OPALIN: variants seen among roughly 807,000 people sequenced by gnomAD.
OPALIN encodes transmembrane protein 10.
OPALIN carries 15 observed loss-of-function variants against 17.8 expected under a neutral mutation model. That is an observed-to-expected ratio of 0.84 (90% confidence interval 0.56 to 1.29). The LOEUF is 1.29. Ranked by LOEUF, OPALIN falls within the 50% of genes most tolerant of loss-of-function variation. OPALIN has a pLI of 0.00. For missense variants in OPALIN, 170 were observed against 176.0 expected, an observed-to-expected ratio of 0.97 and a Z score of 0.19; for synonymous variants, 62 against 63.8, an observed-to-expected ratio of 0.97 and a Z score of 0.14.
At chr10:96,347,636 T>A (rs111280952) in intron 5 of OPALIN, among the ~76,000 whole-genome samples, 3,296 of 151,162 alleles carry the variant, frequency 0.022, 141 homozygotes, top group African/African-American at 0.074. Flanking sequence ...CACACCCAGC[T>A]AATTTTTTGT....
intron 5 of OPALIN, among the ~76,000 whole-genome samples, chr10:96,346,421 A>G (rs1392770466): frequency 6.6e-6 from 1 of 152,172 alleles, no homozygotes; most frequent in African/African-American, 2.4e-5. Context: ...TTTAACTGTT[A>G]ATCTATTTGT....
chr10:96,347,216 C>G (rs188146892), intron 5 of OPALIN, among the ~76,000 whole-genome samples: 1 of 151,934 alleles, frequency 6.6e-6, no homozygotes, highest in East Asian at 1.9e-4. Context: ...TTCAGCCCCC[C>G]ACGAAGTAGC....
intron 4 of OPALIN, among the ~76,000 whole-genome samples, chr10:96,349,411 G>A (rs953733294): frequency 6.6e-6 from 1 of 152,180 alleles, no homozygotes; most frequent in African/African-American, 2.4e-5. Context: ...CACACCCACT[G>A]TACAGACATG....
intron 1 of OPALIN, chr10:96,356,826 C>T: frequency 3.2e-6 from 3 of 951,626 alleles, no homozygotes; most frequent in Non-Finnish European, 1.3e-6. Flanking sequence ...CAATAGGACA[C>T]CCGCATTTTA....
chr10:96,351,418 G>T lies in OPALIN; in HGVS notation c.40-8C>A. 1 of 1,529,316 alleles carries T rather than the reference G, an allele frequency of 6.5e-7. No individual in the cohort carries two copies. The highest frequency in any genetic ancestry group is 8.8e-7 in the Non-Finnish European group (1 of 1,131,956). 94.7% of individuals were successfully genotyped at this position (1,529,316 alleles called of 1,614,324 possible). A position where few individuals can be genotyped will look rare whatever the true frequency, so the allele number is the denominator to read the frequency against. On this transcript the variant is annotated splice_polypyrimidine_tract_variant and splice_region_variant and intron_variant, in intron 2 of 5. Coordinates refer to ENST00000371172, the MANE Select transcript of OPALIN (RefSeq NM_033207.5). ...TGTGACAGGAGAGGACGTCTGTATG[G>T]AAAAAGAACATATATTGTAAAAGAA... is the stretch of plus-strand genomic sequence containing the variant.
chr10:96,350,219 CTTT>C (rs1366528429), intron 3 of OPALIN, among the ~76,000 whole-genome samples: 1 of 149,672 alleles, frequency 6.7e-6, no homozygotes, highest in Non-Finnish European at 1.5e-5. Flanking sequence ...ATACACCACA[CTTT>C]TTTTTTTGTT....
At position 96,357,011 on chromosome 10, in the gene OPALIN, G is replaced by C. The variant is rs1166316263; in HGVS notation, c.4-1721C>G. 3.0e-6 allele frequency: 3 copies of C among 985,390 alleles called. No homozygotes were observed. In the African/African-American group the frequency reaches 5.2e-5, roughly 17 times the overall value. The allele number at this position is 985,390 out of a possible 1,614,324, so 61.0% of individuals were successfully genotyped here. A position where few individuals can be genotyped will look rare whatever the true frequency, so the allele number is the denominator to read the frequency against. ...TCAGAGCACCCAGGCTGACAGCACT[G>C]TGCACCTCTGCTTCTGGGATGACGG... On this transcript the variant is annotated intron_variant, in intron 1 of 5. Coordinates refer to ENST00000371172, the MANE Select transcript of OPALIN (RefSeq NM_033207.5).
chr10:96,358,000 G>A (rs775834229), intron 1 of OPALIN, among the ~76,000 whole-genome samples: 33 of 151,752 alleles, frequency 2.2e-4, no homozygotes, highest in Middle Eastern at 3.2e-3. Flanking sequence ...AAGGTGTGCT[G>A]GGTATAAGAC....
intron 5 of OPALIN, among the ~76,000 whole-genome samples, chr10:96,347,286 G>A (rs545286904): frequency 6.6e-6 from 1 of 151,824 alleles, no homozygotes; most frequent in South Asian, 2.1e-4. Flanking sequence ...GTAGAGATGG[G>A]GTTCACCATG....
At chr10:96,349,682 T>C (rs1184999057) in intron 4 of OPALIN, 25 bp downstream of exon 4, 2 of 1,609,050 alleles carry the variant, frequency 1.2e-6, no homozygotes, top group Non-Finnish European at 1.7e-6. Flanking sequence ...CCTATACATC[T>C]GGACCCAAAG....
At chr10:96,351,347 C>A in intron 3 of OPALIN, 31 bp downstream of exon 3, 1 of 1,300,750 alleles carries the variant, frequency 7.7e-7, no homozygotes, top group Admixed American at 2.2e-5. Context: ...TATTATTATC[C>A]CCATTTTATA....
chr10:96,352,014 A>G (rs558227587), intron 2 of OPALIN, among the ~76,000 whole-genome samples: 1 of 152,342 alleles, frequency 6.6e-6, no homozygotes, highest in East Asian at 1.9e-4. Context: ...CTGCATGAGA[A>G]ACTATGTAAA....
At chr10:96,356,382 A>G (rs1023500488) in intron 1 of OPALIN, among the ~76,000 whole-genome samples, 1 of 152,246 alleles carries the variant, frequency 6.6e-6, no homozygotes, top group African/African-American at 2.4e-5. Context: ...AAAGAATCCA[A>G]AAGAATCATG....
chr10:96,353,621 G>C (rs1217051198), intron 2 of OPALIN: 1 of 154,522 alleles, frequency 6.5e-6, no homozygotes, highest in African/African-American at 2.4e-5. Context: ...GGCCACATAA[G>C]GGCTCTCTTC....
rs570525758 is a variant in OPALIN, at chr10:96,349,289, C to G, written c.192+418G>C. On this transcript the variant is annotated intron_variant, in intron 4 of 5. Coordinates refer to ENST00000371172, the MANE Select transcript of OPALIN (RefSeq NM_033207.5). ...GATATAGATTCCCTTGTGATTCTAT[C>G]ATGGTGTCTATCATGGACACCTCAG... is the stretch of plus-strand genomic sequence containing the variant. 2.0e-5 allele frequency among the ~76,000 whole-genome samples: 3 copies of G among 152,148 alleles called. No individual in the cohort carries two copies. In the South Asian group the frequency reaches 6.2e-4, roughly 32 times the overall value.
In OPALIN at chr10:96,358,984, G is replaced by A; in HGVS notation, c.-88C>T. The A allele has an allele frequency of 1.4e-6, 2 of 1,472,462 alleles. No homozygotes were observed. Among genetic ancestry groups the A allele is most frequent in the African/African-American group, 2.8e-5 (2 of 72,156 alleles). 91.2% of individuals were successfully genotyped at this position (1,472,462 alleles called of 1,614,324 possible). On this transcript the variant is annotated 5_prime_UTR_variant, in exon 1 of 6. Transcript: ENST00000371172. ...CTTTATTGGCTTGTGTCTTTCATTT[G>A]TAGGAACAGTTAACTGACAAAGCTG...
intron 5 of OPALIN, among the ~76,000 whole-genome samples, chr10:96,346,476 C>T (rs1845332147): frequency 6.6e-6 from 1 of 152,092 alleles, no homozygotes. Context: ...TATGATTGGA[C>T]CTTGTTTTTA....
intron 1 of OPALIN, among the ~76,000 whole-genome samples, chr10:96,355,789 T>C (rs984793535): frequency 1.3e-5 from 2 of 152,210 alleles, no homozygotes; most frequent in African/African-American, 4.8e-5. Context: ...CTGTTTTTGC[T>C]ACAACTGAGG....
Position 96,346,106 on chromosome 10 carries a change from T to A in OPALIN, c.261A>T (p.Arg87Ser). 10 of 1,613,630 alleles carry A rather than the reference T, an allele frequency of 6.2e-6. No individual in the cohort carries two copies. The highest frequency in any genetic ancestry group is 8.5e-6 in the Non-Finnish European group (10 of 1,179,788). ...DNPKISENPR[R>S]SPTHEKNTMG... ...TCGTATTCTTCTCATGTGTGGGTGA[T>A]CTCCTAGGATTCTTAAGGAAACAAA... The change falls in exon 6 of 6, where the codon AGA becomes AGT. Residue 87 changes from arginine to serine, a missense_variant. Physicochemically the swap from Arg to Ser is moderately radical, Grantham distance 110. Transcript: ENST00000371172.
Sources: gnomAD v4.1 joint callset for allele counts (sites outside exome capture counted in the v4.1 genomes callset) on GRCh38, gnomAD v4.1.1 for gene constraint, MANE v1.5 for transcripts, NCBI Gene and HGNC (gene_info 2026-07-23, HGNC 2026-07-21) for gene names.